The following CCDC18 variants were observed in gnomAD, a reference collection of about 807,000 sequenced individuals.
CCDC18 encodes the protein coiled-coil domain-containing protein 18.
In CCDC18, 157 loss-of-function variants were observed where a neutral mutation model predicts 196.0. That is an observed-to-expected ratio of 0.80 (90% CI 0.70 to 0.91). The LOEUF is 0.91. Ranked by LOEUF, CCDC18 falls within the 40% of genes least tolerant of loss-of-function variation. CCDC18 has a pLI of 0.00. For synonymous variants in CCDC18, 482 were observed against 529.2 expected (o/e 0.91, Z 1.22); for missense variants, 1,465 against 1,611.6 (o/e 0.91, Z 1.56).
intron 9 of CCDC18, among the ~76,000 whole-genome samples, chr1:93,209,047 C>T (rs2101955688): frequency 6.6e-6 from 1 of 152,316 alleles, no homozygotes; most frequent in East Asian, 1.9e-4. Context: ...CAACCTCAGC[C>T]TCCTGGGTTC....
intron 19 of CCDC18, among the ~76,000 whole-genome samples, chr1:93,238,636 C>G (rs1391526040): frequency 6.6e-6 from 1 of 152,148 alleles, no homozygotes; most frequent in Non-Finnish European, 1.5e-5. Context: ...GTAAATATCA[C>G]TTTAGAATTA....
chr1:93,269,410 GAACTTAAAGTATTTTT>G (rs1441849663), intron 27 of CCDC18, among the ~76,000 whole-genome samples: 1 of 147,530 alleles, frequency 6.8e-6, no homozygotes, highest in East Asian at 2.0e-4. Context: ...ATGTACCCTA[GAACTTAAAGTATTTTT>G]AAAAAATCAT....
chr1:93,182,902 T>G (rs1284148098), intron 1 of CCDC18, among the ~76,000 whole-genome samples: 1 of 152,200 alleles, frequency 6.6e-6, no homozygotes, highest in Non-Finnish European at 1.5e-5. Context: ...ACACCTCATA[T>G]TGAAATTGAT....
intron 24 of CCDC18, among the ~76,000 whole-genome samples, chr1:93,255,727 G>C (rs1350455764): frequency 6.9e-6 from 1 of 144,774 alleles, no homozygotes; most frequent in Non-Finnish European, 1.5e-5. Flanking sequence ...CAGAGCAGGA[G>C]CCTGTACCAA....
intron 10 of CCDC18, 46 bp from the exon 11 acceptor site, chr1:93,212,055 T>A (rs771319990): frequency 5.3e-6 from 8 of 1,511,454 alleles, no homozygotes; most frequent in East Asian, 2.3e-5. Context: ...TGAGTTTTTT[T>A]ATAGAATCTT....
At chr1:93,211,419 A>T (rs1026694638) in intron 10 of CCDC18, among the ~76,000 whole-genome samples, 1 of 152,144 alleles carries the variant, frequency 6.6e-6, no homozygotes, top group Admixed American at 6.6e-5. Context: ...AATTTGTGGT[A>T]TTTGTTTTAA....
At chr1:93,252,295 C>T (rs1050749052) in intron 23 of CCDC18, among the ~76,000 whole-genome samples, 1 of 152,190 alleles carries the variant, frequency 6.6e-6, no homozygotes, top group Admixed American at 6.5e-5. Context: ...TCTCAGCCTA[C>T]TGAGTATCTG....
chr1:93,266,525 A>G (rs1461087628), intron 27 of CCDC18, among the ~76,000 whole-genome samples: 3 of 152,210 alleles, frequency 2.0e-5, no homozygotes, highest in Admixed American at 6.5e-5. Flanking sequence ...AGAAAAGATC[A>G]ACAAAATTGA....
At chr1:93,181,159 TAA>T (rs71094239) in intron 1 of CCDC18, among the ~76,000 whole-genome samples, 37 of 89,866 alleles carry the variant, frequency 4.1e-4, no homozygotes, top group East Asian at 4.1e-4. Context: ...TCTATAAAAT[TAA>T]AAAAAAAAAA....
At position 93,204,602 on chromosome 1, in the gene CCDC18, A is replaced by G. The variant is rs74101460; in HGVS notation, c.796-908A>G. 3.9e-5 allele frequency among the ~76,000 whole-genome samples: 6 copies of G among 152,272 alleles called. No homozygotes were observed. In the East Asian group the frequency reaches 5.8e-4, roughly 15 times the overall value. The stretch of plus-strand genomic sequence containing the variant: ...TGACAGCTACATGATAAAATATTTT[A>G]GAGGAGAAGTTACCAACAATATTAA... On this transcript the variant is annotated intron_variant, in intron 7 of 28. Transcript: ENST00000690025.
chr1:93,241,507 A>G (rs1312203738), intron 21 of CCDC18, among the ~76,000 whole-genome samples: 1 of 152,000 alleles, frequency 6.6e-6, no homozygotes, highest in Non-Finnish European at 1.5e-5. Flanking sequence ...GCAGATCACA[A>G]GGTCAGGAGT....
At chr1:93,221,102 T>C (rs1657367392) in intron 14 of CCDC18, among the ~76,000 whole-genome samples, 1 of 152,242 alleles carries the variant, frequency 6.6e-6, no homozygotes, top group Non-Finnish European at 1.5e-5. Flanking sequence ...CACATGCATG[T>C]ATTTTTATAA....
At chr1:93,250,575 G>A (rs1479775590) in intron 23 of CCDC18, among the ~76,000 whole-genome samples, 5 of 152,068 alleles carry the variant, frequency 3.3e-5, no homozygotes, top group African/African-American at 9.6e-5. Flanking sequence ...AGTCCCTGTC[G>A]TTTTATTGCA....
At chr1:93,267,575 A>T (rs553709681) in intron 27 of CCDC18, among the ~76,000 whole-genome samples, 1 of 151,918 alleles carries the variant, frequency 6.6e-6, no homozygotes, top group South Asian at 2.1e-4. Context: ...CCTTAAGCTG[A>T]TAACTTCAGC....
Position 93,180,803 on chromosome 1 carries a change from G to A in CCDC18, c.-52G>A. ...TTCCACGCGCAGGGGCCCGGGAAAG[G>A]GTCAGAGGCTTCCTAACGCAGACTC... On this transcript the variant is annotated 5_prime_UTR_variant, in exon 1 of 29. Transcript: ENST00000690025. The A allele has an allele frequency of 7.3e-7, 1 of 1,367,858 alleles. No homozygotes were observed. Among genetic ancestry groups the A allele is most frequent in the Non-Finnish European group, 9.8e-7 (1 of 1,022,002 alleles). 84.7% of individuals were successfully genotyped at this position (1,367,858 alleles called of 1,614,324 possible).
At chr1:93,232,773 C>T (rs956867572) in intron 18 of CCDC18, among the ~76,000 whole-genome samples, 180 bp downstream of exon 18, 15 of 152,166 alleles carry the variant, frequency 9.9e-5, no homozygotes, top group African/African-American at 3.6e-4. Context: ...GAGTTCGAGA[C>T]GAGCCTGGCC....
chr1:93,239,762 T>C lies in CCDC18; in HGVS notation c.2847T>C (p.Thr949=). 1 of 1,613,770 alleles carries C rather than the reference T, an allele frequency of 6.2e-7. No individual in the cohort carries two copies. Among genetic ancestry groups the C allele is most frequent in the South Asian group, 1.1e-5 (1 of 91,078 alleles). ...TGCAAAAACGGGAAGTACTTGAGAC[T>C]GAACTACAAAATGCTCATGGAGAAT... The part of the protein sequence containing the change: ...EALQKREVLE[T]ELQNAHGELK... The change falls in exon 21 of 29, where the codon ACT becomes ACC. Residue 949 remains threonine (T), a synonymous_variant. Coordinates refer to ENST00000690025, the MANE Select transcript of CCDC18 (RefSeq NM_001378204.1).
At chr1:93,232,719 C>T (rs1204866416) in intron 18 of CCDC18, 126 bp downstream of exon 18, 3 of 694,356 alleles carry the variant, frequency 4.3e-6, no homozygotes, top group Admixed American at 3.1e-5. Context: ...GCCCATAATT[C>T]CAGCACTTTG....
chr1:93,213,524 G>A (rs1003075701), intron 11 of CCDC18, among the ~76,000 whole-genome samples: 25 of 151,018 alleles, frequency 1.7e-4, no homozygotes, highest in Non-Finnish European at 7.4e-5. Flanking sequence ...CCCTTTAAGC[G>A]GTGCTTTGGG....
Sources: allele counts gnomAD v4.1 joint callset (sites outside exome capture counted in the v4.1 genomes callset), GRCh38; gene constraint gnomAD v4.1.1; transcripts MANE v1.5; gene names NCBI Gene and HGNC (gene_info 2026-07-23, HGNC 2026-07-21).